Variants in DUS2 observed in about 807,000 individuals in gnomAD.
DUS2 encodes the protein dihydrouridine synthase 2, also known as tRNA-dihydrouridine(20) synthase [NAD(P)+]-like.
DUS2 carries 52 observed loss-of-function variants against 71.3 expected under a neutral mutation model. That is an observed-to-expected ratio of 0.73 (90% CI 0.58 to 0.92). DUS2 has a LOEUF of 0.92. DUS2 is among the 40% of genes least tolerant of loss of function. The pLI, the probability that DUS2 is intolerant of heterozygous loss-of-function variation, is 0.00. For missense variants in DUS2, 558 were observed against 622.6 expected (o/e 0.90, Z 1.10); for synonymous variants, 204 against 227.8 (o/e 0.90, Z 0.94).
intron 2 of DUS2, among the ~76,000 whole-genome samples, chr16:68,027,522 C>T (rs538473424): frequency 1.3e-5 from 2 of 152,328 alleles, no homozygotes; most frequent in Admixed American, 1.3e-4. Flanking sequence ...GGATTACAGG[C>T]GTGAGCCACC....
At chr16:68,057,363 G>A (rs1259336504) in intron 7 of DUS2, among the ~76,000 whole-genome samples, 1 of 149,486 alleles carries the variant, frequency 6.7e-6, no homozygotes, top group African/African-American at 2.5e-5. Context: ...GAATAAGACT[G>A]AGACACATAT....
chr16:68,074,776 T>C (rs947875081), intron 13 of DUS2, among the ~76,000 whole-genome samples: 1 of 152,228 alleles, frequency 6.6e-6, no homozygotes, highest in Admixed American at 6.5e-5. Context: ...TGGGGATCTA[T>C]CTTCGTTTGA....
intron 7 of DUS2, among the ~76,000 whole-genome samples, chr16:68,057,208 G>T (rs1215765369): frequency 1.4e-5 from 2 of 141,176 alleles, no homozygotes; most frequent in African/African-American, 5.2e-5. Flanking sequence ...ATATATAAAT[G>T]TATATAATTG....
At chr16:68,031,864 T>C (rs1246996140) in intron 2 of DUS2, among the ~76,000 whole-genome samples, 1 of 152,028 alleles carries the variant, frequency 6.6e-6, no homozygotes, top group East Asian at 1.9e-4. Flanking sequence ...CTGGCTAATT[T>C]TTTTATTTTT....
In DUS2 at chr16:68,061,388, C is replaced by A. The variant is rs118156865; in HGVS notation, c.417+275C>A. On this transcript the variant is annotated intron_variant, in intron 8 of 16. Transcript: ENST00000565263. ...AGGGGTCCTGAGGACTCACAGAGAA[C>A]CTCCTCTGTATTTCCTGTCTCCCTT... 9.2e-3 allele frequency among the ~76,000 whole-genome samples: 1,407 copies of A among 152,318 alleles called. 15 individuals carry two copies. Among genetic ancestry groups the A allele is most frequent in the Middle Eastern group, 0.017 (5 of 294 alleles).
intron 2 of DUS2, among the ~76,000 whole-genome samples, chr16:68,034,398 T>C (rs1185290629): frequency 2.0e-5 from 3 of 152,102 alleles, no homozygotes; most frequent in Non-Finnish European, 4.4e-5. Context: ...TTTTATTTTT[T>C]GTAAAGATGG....
chr16:68,053,837 A>C lies in DUS2; in HGVS notation c.264+182A>C. On this transcript the variant is annotated intron_variant, in intron 5 of 16. Coordinates refer to ENST00000565263, the MANE Select transcript of DUS2 (RefSeq NM_017803.5). ...CATGAGTAATTATACTATTGGAGAC[A>C]GTTTATGGAAATCAAGCTATCACAG... The C allele has an allele frequency of 5.1e-6, 3 of 589,338 alleles. 1 individual carries two copies. In the South Asian group the frequency reaches 6.6e-5, roughly 13 times the overall value. 36.5% of individuals were successfully genotyped at this position (589,338 alleles called of 1,614,324 possible).
At chr16:68,058,361 A>G (rs1326876267) in intron 7 of DUS2, among the ~76,000 whole-genome samples, 1 of 151,506 alleles carries the variant, frequency 6.6e-6, no homozygotes, top group Non-Finnish European at 1.5e-5. Context: ...AGTAGCTGGG[A>G]CTACAGGTGC....
intron 3 of DUS2, among the ~76,000 whole-genome samples, chr16:68,038,582 T>C (rs909597513): frequency 6.6e-6 from 1 of 151,306 alleles, no homozygotes; most frequent in African/African-American, 2.4e-5. Flanking sequence ...ATAGAAAAAT[T>C]AGCCAGGCGT....
intron 3 of DUS2, among the ~76,000 whole-genome samples, chr16:68,042,992 G>A (rs1437596910): frequency 1.3e-5 from 2 of 152,162 alleles, no homozygotes; most frequent in African/African-American, 2.4e-5. Context: ...ACAGGCATGA[G>A]CCACCATGCC....
intron 2 of DUS2, among the ~76,000 whole-genome samples, chr16:68,033,762 G>C (rs139052696): frequency 6.6e-6 from 1 of 150,868 alleles, no homozygotes; most frequent in Non-Finnish European, 1.5e-5. Context: ...CTCCTGAGTA[G>C]CTGGGATTAC....
chr16:68,034,461 G>A (rs532167986), intron 2 of DUS2, among the ~76,000 whole-genome samples: 5 of 151,878 alleles, frequency 3.3e-5, no homozygotes, highest in South Asian at 4.1e-4. Flanking sequence ...CAAGCAATCC[G>A]CCCACCTCAG....
chr16:68,078,528 C>G lies in DUS2; in HGVS notation c.1244+10C>G, dbSNP rs1369410225. The G allele has an allele frequency of 6.2e-7, 1 of 1,613,410 alleles. No individual in the cohort carries two copies. Among genetic ancestry groups the G allele is most frequent in the African/African-American group, 1.3e-5 (1 of 74,924 alleles). ...ATCAGTCTACCTTGTGGTAAGTTTC[C>G]TTATCATAGGAGAGGAGGCTTGGGG... On this transcript the variant is annotated intron_variant, in intron 16 of 16. Transcript: ENST00000565263.
chr16:68,065,865 C>T (rs904148763), intron 8 of DUS2, among the ~76,000 whole-genome samples: 6 of 151,110 alleles, frequency 4.0e-5, no homozygotes, highest in Admixed American at 6.6e-5. Context: ...ATTCTGAGGA[C>T]GGGCTGGAGT....
chr16:68,036,748 C>T (rs906957320), intron 2 of DUS2, among the ~76,000 whole-genome samples: 72 of 152,302 alleles, frequency 4.7e-4, no homozygotes, highest in African/African-American at 1.7e-3. Flanking sequence ...CCACATTCTA[C>T]GCTTTAACCA....
At chr16:68,056,748 TAC>T (rs2033857330) in intron 7 of DUS2, among the ~76,000 whole-genome samples, 2 of 149,980 alleles carry the variant, frequency 1.3e-5, no homozygotes, top group African/African-American at 4.9e-5. Flanking sequence ...TTTATACATA[TAC>T]ACACACACTC....
At chr16:68,028,639 A>AAAAC (rs1015565794) in intron 2 of DUS2, among the ~76,000 whole-genome samples, 7 of 152,146 alleles carry the variant, frequency 4.6e-5, no homozygotes, top group Non-Finnish European at 8.8e-5. Context: ...ACTCCGTCTC[A>AAAAC]AAACAAACAA....
At chr16:68,032,210 A>C (rs901876858) in intron 2 of DUS2, among the ~76,000 whole-genome samples, 1 of 152,208 alleles carries the variant, frequency 6.6e-6, no homozygotes, top group Admixed American at 6.5e-5. Context: ...CCTCTGACTG[A>C]GTGCCAGAGG....
At chr16:68,060,938 G>C in intron 7 of DUS2, 128 bp from the exon 8 acceptor site, 1 of 745,082 alleles carries the variant, frequency 1.3e-6, no homozygotes, top group Non-Finnish European at 2.3e-6. Flanking sequence ...AAGAAGTGCC[G>C]GTTGCCAGTG....
Sources: allele counts gnomAD v4.1 joint callset (sites outside exome capture counted in the v4.1 genomes callset), GRCh38; gene constraint gnomAD v4.1.1; transcripts MANE v1.5; gene names NCBI Gene and HGNC (gene_info 2026-07-23, HGNC 2026-07-21).